The following XRN2 variants were observed in gnomAD, a reference collection of about 807,000 sequenced individuals.
XRN2 encodes 5'-3' exoribonuclease 2, also known as DHM1-like protein.
Under a neutral mutation model 138.5 loss-of-function variants are expected in XRN2, and 44 were observed. The observed-to-expected ratio is 0.32, with a 90% CI of 0.25 to 0.41. XRN2 has a LOEUF of 0.41. Among genes scored for constraint, XRN2 ranks in the 10% least tolerant of loss-of-function variants. The pLI is 1.00. For missense variants in XRN2, 937 were observed against 1,169.3 expected (o/e 0.80, Z 2.90); for synonymous variants, 354 against 369.4 (o/e 0.96, Z 0.48).
At chr20:21,329,619 T>C (rs2038175348) in intron 4 of XRN2, among the ~76,000 whole-genome samples, 1 of 152,196 alleles carries the variant, frequency 6.6e-6, no homozygotes, top group Non-Finnish European at 1.5e-5. Context: ...CTGTTTGTAT[T>C]TATAACAATG....
At chr20:21,357,685 C>T in intron 23 of XRN2, 51 bp from the exon 24 acceptor site, 1 of 1,456,272 alleles carries the variant, frequency 6.9e-7, no homozygotes, top group Non-Finnish European at 9.3e-7. Context: ...TTCCACTTAC[C>T]TAAAAGGTTA....
chr20:21,322,905 C>G (rs1057056319), intron 1 of XRN2, among the ~76,000 whole-genome samples: 2 of 152,198 alleles, frequency 1.3e-5, no homozygotes, highest in African/African-American at 2.4e-5. Flanking sequence ...TAGGGGTGCT[C>G]TCTGTTCCTT....
intron 26 of XRN2, among the ~76,000 whole-genome samples, chr20:21,367,652 G>T (rs951510585): frequency 2.0e-5 from 3 of 152,022 alleles, no homozygotes; most frequent in African/African-American, 7.2e-5. Context: ...TGAGAATTAA[G>T]TGAGCCTAAT....
intron 1 of XRN2, among the ~76,000 whole-genome samples, chr20:21,312,602 ATTTTTTTTTTT>A (rs375836250): frequency 4.4e-5 from 6 of 137,220 alleles, no homozygotes; most frequent in Non-Finnish European, 7.9e-5. Context: ...AAACCCCAAG[ATTTTTTTTTTT>A]TTTTTTTTTT....
intron 29 of XRN2, among the ~76,000 whole-genome samples, chr20:21,388,204 G>A (rs1013269236): frequency 3.9e-5 from 6 of 152,166 alleles, no homozygotes; most frequent in African/African-American, 1.4e-4. Context: ...ACCCCACACG[G>A]TTCAGCAGGA....
At chr20:21,389,171 ACT>A in intron 29 of XRN2, 100 bp from the exon 30 acceptor site, 1 of 1,030,550 alleles carries the variant, frequency 9.7e-7, no homozygotes. Flanking sequence ...TTTAACACAT[ACT>A]CAGTTTCCTT....
intron 27 of XRN2, among the ~76,000 whole-genome samples, chr20:21,379,876 T>C (rs1197442271): frequency 1.3e-5 from 2 of 152,200 alleles, no homozygotes; most frequent in Non-Finnish European, 2.9e-5. Context: ...TTAGCACAGT[T>C]TCTAGGACAA....
intron 20 of XRN2, among the ~76,000 whole-genome samples, chr20:21,351,336 T>G (rs2038507958): frequency 6.6e-6 from 1 of 152,204 alleles, no homozygotes; most frequent in Admixed American, 6.5e-5. Flanking sequence ...CGATTTGCAT[T>G]TTCCTAATGA....
intron 17 of XRN2, among the ~76,000 whole-genome samples, 177 bp downstream of exon 17, chr20:21,346,727 C>G (rs1396673073): frequency 6.6e-6 from 1 of 152,164 alleles, no homozygotes; most frequent in South Asian, 2.1e-4. Context: ...TCAAGCGATT[C>G]TCCTGCCTCA....
rs538976396 is a variant in XRN2 at position 21,346,611 on chromosome 20, C to T, written c.1665+61C>T. ...AATCATTTAAGAAAAATAGTAATTT[C>T]TTTTTTTTTGTTTGTTTTTTGTTTT... On this transcript the variant is annotated intron_variant, in intron 17 of 29. Coordinates refer to ENST00000377191, the MANE Select transcript of XRN2 (RefSeq NM_012255.5). The T allele has an allele frequency of 6.3e-5, 98 of 1,556,762 alleles. No individual in the cohort carries two copies. The African/African-American group carries it at 1.2e-3, about 19-fold the overall frequency.
chr20:21,318,332 G>A, intron 1 of XRN2, among the ~76,000 whole-genome samples: 1 of 152,052 alleles, frequency 6.6e-6, no homozygotes, highest in East Asian at 1.9e-4. Context: ...CAGACTAGCT[G>A]AAGGTTTGTC....
chr20:21,364,703 A>T (rs2038674738), intron 24 of XRN2, among the ~76,000 whole-genome samples: 1 of 151,382 alleles, frequency 6.6e-6, no homozygotes, highest in African/African-American at 2.4e-5. Flanking sequence ...GCTATGAGAG[A>T]GGCTGAGGTG....
chr20:21,318,264 T>C (rs2037987299), intron 1 of XRN2, among the ~76,000 whole-genome samples: 1 of 152,204 alleles, frequency 6.6e-6, no homozygotes, highest in South Asian at 2.1e-4. Flanking sequence ...TTAGCAGTAA[T>C]GTCCTGTCTC....
chr20:21,366,462 C>A (rs2038704312), intron 26 of XRN2, among the ~76,000 whole-genome samples: 1 of 150,104 alleles, frequency 6.7e-6, no homozygotes, highest in Non-Finnish European at 1.5e-5. Context: ...CAGGCTGAGG[C>A]AGGGGAATGG....
At chr20:21,376,540 A>G (rs1458809235) in intron 27 of XRN2, among the ~76,000 whole-genome samples, 1 of 152,158 alleles carries the variant, frequency 6.6e-6, no homozygotes, top group African/African-American at 2.4e-5. Context: ...AAGGTTTTAA[A>G]AACTCTAGAA....
chr20:21,324,276 T>C (rs2038090684), intron 1 of XRN2, among the ~76,000 whole-genome samples: 1 of 152,126 alleles, frequency 6.6e-6, no homozygotes, highest in Non-Finnish European at 1.5e-5. Context: ...TGTTCTGCCT[T>C]AAATCCCTTT....
At chr20:21,366,272 G>T (rs1385175718) in intron 26 of XRN2, among the ~76,000 whole-genome samples, 1 of 141,968 alleles carries the variant, frequency 7.0e-6, no homozygotes, top group African/African-American at 2.6e-5. Flanking sequence ...TTTGGGCCGG[G>T]CACGGTGGCT....
At chr20:21,353,175 TTATA>T (rs1232214213) in intron 20 of XRN2, among the ~76,000 whole-genome samples, 1 of 144,694 alleles carries the variant, frequency 6.9e-6, no homozygotes, top group Non-Finnish European at 1.5e-5. Flanking sequence ...TAATATATGT[TTATA>T]TATATTTTAT....
chr20:21,363,483 A>C (rs953570357), intron 24 of XRN2, among the ~76,000 whole-genome samples: 1 of 152,172 alleles, frequency 6.6e-6, no homozygotes, highest in Non-Finnish European at 1.5e-5. Context: ...AACCTTTATC[A>C]CTGCCTGTCC....
Sources: gnomAD v4.1 joint callset for allele counts (sites outside exome capture counted in the v4.1 genomes callset) on GRCh38, gnomAD v4.1.1 for gene constraint, MANE v1.5 for transcripts, NCBI Gene and HGNC (gene_info 2026-07-23, HGNC 2026-07-21) for gene names.